DSCAML1: variants seen among roughly 807,000 people sequenced by gnomAD.
DSCAML1 encodes cell adhesion molecule DSCAML1.
DSCAML1 carries 38 observed loss-of-function variants against 200.5 expected under a neutral mutation model. That is an observed-to-expected ratio of 0.19 (90% CI 0.15 to 0.25). The LOEUF (loss-of-function observed/expected upper bound fraction) is 0.25. DSCAML1 is among the 10% of genes least tolerant of loss of function. DSCAML1 has a pLI of 1.00. For missense variants in DSCAML1, 2,223 were observed against 2,858.8 expected, an observed-to-expected ratio of 0.78 and a Z score of 5.07; for synonymous variants, 1,215 against 1,165.0, an observed-to-expected ratio of 1.04 and a Z score of -0.87.
At position 117,428,287 on chromosome 11, in the gene DSCAML1, G is replaced by A. The variant is rs763313751; in HGVS notation, c.*41C>T. 10 of 1,133,650 alleles carry A rather than the reference G, an allele frequency of 8.8e-6. No individual in the cohort carries two copies. Among genetic ancestry groups the A allele is most frequent in the East Asian group, 4.8e-5 (2 of 41,978 alleles). The allele number at this position is 1,133,650 out of a possible 1,614,324, so 70.2% of individuals were successfully genotyped here. A position where few individuals can be genotyped will look rare whatever the true frequency, so the allele number is the denominator to read the frequency against. ...CAGCCGAGCTGGCGTGTGGGGCTGC[G>A]GCGCGGCGCGGTCCAGGCGTGGCTG... On this transcript the variant is annotated 3_prime_UTR_variant, in exon 33 of 33. Coordinates refer to ENST00000651296, the MANE Select transcript of DSCAML1 (RefSeq NM_020693.4).
At chr11:117,724,611 T>C (rs2054092516) in intron 3 of DSCAML1, among the ~76,000 whole-genome samples, 4 of 152,240 alleles carry the variant, frequency 2.6e-5, no homozygotes, top group Admixed American at 6.5e-5. Flanking sequence ...GGCAGCTTGA[T>C]TGAAAGGTTG....
Position 117,514,375 on chromosome 11 carries a change from C to A in DSCAML1, c.1783+2092G>T, listed in dbSNP as rs746961473. 1.0e-3 allele frequency among the ~76,000 whole-genome samples: 159 copies of A among 152,106 alleles called. 1 individual carries two copies. The highest frequency in any genetic ancestry group is 1.7e-3 in the Non-Finnish European group (118 of 68,020). On this transcript the variant is annotated intron_variant, in intron 8 of 32. Coordinates refer to ENST00000651296, the MANE Select transcript of DSCAML1 (RefSeq NM_020693.4). Reference sequence around the variant, plus strand: ...GAGTTCTCAAGGACTCTTGTCTCTTCCACACCCTCCCTGGCAGTCCCAGAA... The same window carrying A: ...GAGTTCTCAAGGACTCTTGTCTCTTACACACCCTCCCTGGCAGTCCCAGAA...
intron 3 of DSCAML1, among the ~76,000 whole-genome samples, chr11:117,609,202 T>TA (rs2051638377): frequency 1.3e-5 from 2 of 149,244 alleles, no homozygotes; most frequent in African/African-American, 5.0e-5. Flanking sequence ...CTATCTCAAT[T>TA]TAAAAAAAAA....
rs984041990 is a variant in DSCAML1, at chr11:117,437,729, G to A, written c.4432+166C>T. On this transcript the variant is annotated intron_variant, in intron 25 of 32. Transcript: ENST00000651296. This position sits in a 1 kb window ranked among gnomAD's most constrained non-coding sequence, Gnocchi z 5.3. ...AGTTTTTCCTAATGGGATCCATCGGGACACTGTGGTGACGGGAAGGAGGCT... is the reference window on the plus strand; with the variant it reads ...AGTTTTTCCTAATGGGATCCATCGGAACACTGTGGTGACGGGAAGGAGGCT... Among the ~76,000 whole-genome samples the A allele has an allele frequency of 1.3e-5, 2 of 152,138 alleles. No individual in the cohort carries two copies. Among genetic ancestry groups the A allele is most frequent in the Admixed American group, 1.3e-4 (2 of 15,278 alleles).
chr11:117,782,684 C>T (rs760526710), intron 1 of DSCAML1, among the ~76,000 whole-genome samples: 2 of 152,200 alleles, frequency 1.3e-5, no homozygotes, highest in Non-Finnish European at 2.9e-5. Context: ...GGTCCCACTT[C>T]CAAGACTCTT....
intron 11 of DSCAML1, among the ~76,000 whole-genome samples, chr11:117,502,578 C>G (rs978982254): frequency 1.3e-5 from 2 of 152,198 alleles, no homozygotes; most frequent in Non-Finnish European, 2.9e-5. Flanking sequence ...CTGTCTTATG[C>G]TGAGCTGAAC....
chr11:117,534,060 G>C (rs1425500733), intron 3 of DSCAML1, among the ~76,000 whole-genome samples: 1 of 152,252 alleles, frequency 6.6e-6, no homozygotes, highest in Non-Finnish European at 1.5e-5. Context: ...CCACATGTCA[G>C]GCTGGCAGAG....
chr11:117,711,086 C>T (rs1228662026), intron 3 of DSCAML1, among the ~76,000 whole-genome samples: 3 of 152,166 alleles, frequency 2.0e-5, no homozygotes, highest in Non-Finnish European at 4.4e-5. Flanking sequence ...ATAAAGCCTA[C>T]TCCTGAATGA....
chr11:117,582,338 A>G (rs993838297), intron 3 of DSCAML1, among the ~76,000 whole-genome samples: 5 of 152,194 alleles, frequency 3.3e-5, no homozygotes, highest in Non-Finnish European at 7.4e-5. Context: ...GCAGGCTTGG[A>G]TACCAACTCA....
chr11:117,512,343 T>G (rs1167849227), intron 8 of DSCAML1, among the ~76,000 whole-genome samples: 1 of 138,706 alleles, frequency 7.2e-6, no homozygotes, highest in Non-Finnish European at 1.6e-5. Flanking sequence ...TCCACCCCCC[T>G]CCTTGGGTAG....
Position 117,503,822 on chromosome 11 carries a change from G to C in DSCAML1, c.2359+23C>G. ...TTGGCTGTGATTTGGGGGTGCTAGG[G>C]GGCGTGTGGGGACAGGACTCACTCT... On this transcript the variant is annotated intron_variant, in intron 11 of 32. Transcript: ENST00000651296. The surrounding 1 kb of genome is among the most constrained non-coding windows in gnomAD (Gnocchi z 5.2). The C allele has an allele frequency of 6.2e-7, 1 of 1,608,558 alleles. No individual in the cohort carries two copies. Among genetic ancestry groups the C allele is most frequent in the Non-Finnish European group, 8.5e-7 (1 of 1,176,976 alleles).
chr11:117,529,203 G>A (rs4938402), intron 4 of DSCAML1, among the ~76,000 whole-genome samples: 27,522 of 151,892 alleles, frequency 0.18, 2,768 homozygotes, highest in South Asian at 0.35. Flanking sequence ...TCCGCCTCCC[G>A]AGTAGCTGGG....
chr11:117,710,857 G>A (rs1203974815), intron 3 of DSCAML1, among the ~76,000 whole-genome samples: 3 of 152,172 alleles, frequency 2.0e-5, no homozygotes, highest in Non-Finnish European at 4.4e-5. Context: ...TGGGGAGACA[G>A]AACATACTCG....
At chr11:117,442,388 T>G (rs1347006108) in intron 21 of DSCAML1, among the ~76,000 whole-genome samples, 1 of 152,076 alleles carries the variant, frequency 6.6e-6, no homozygotes, top group Non-Finnish European at 1.5e-5. Context: ...AGTGTGTGTA[T>G]GCATGTGTGT....
At chr11:117,429,064 C>T (rs1291443544) in intron 32 of DSCAML1, among the ~76,000 whole-genome samples, 2 of 152,156 alleles carry the variant, frequency 1.3e-5, no homozygotes, top group Non-Finnish European at 2.9e-5. Flanking sequence ...AGGTAAAGTG[C>T]TTTGCTACAG....
Position 117,428,654 on chromosome 11 carries a change from G to A in DSCAML1, c.5836C>T (p.Leu1946=). 1 of 1,612,092 alleles carries A rather than the reference G, an allele frequency of 6.2e-7. No individual in the cohort carries two copies. The highest frequency in any genetic ancestry group is 8.5e-7 in the Non-Finnish European group (1 of 1,179,332). ...CCCAAGGACTTGCTGGCAGGGTCCA[G>A]GGTCAGGTGGCGAGCCTGGGTGTGG... ...TYHTQARHLT[L]DPASKSLGLP... is the part of the protein sequence containing the mutation. Residue 1946 remains leucine, a synonymous_variant, in exon 33 of 33, where the codon CTG becomes TTG. Coordinates refer to ENST00000651296, the MANE Select transcript of DSCAML1 (RefSeq NM_020693.4).
intron 3 of DSCAML1, among the ~76,000 whole-genome samples, chr11:117,601,804 G>T (rs770667439): frequency 1.5e-4 from 23 of 152,204 alleles, no homozygotes; most frequent in Non-Finnish European, 3.1e-4. Context: ...GCATTCAGGA[G>T]CCTGGCCTTC....
chr11:117,761,050 C>T (rs1202430280), intron 3 of DSCAML1, among the ~76,000 whole-genome samples: 1 of 152,216 alleles, frequency 6.6e-6, no homozygotes, highest in Non-Finnish European at 1.5e-5. Context: ...CATCTGGATA[C>T]TTGGCCTCTA....
At chr11:117,510,006 G>A (rs2137288877) in intron 8 of DSCAML1, among the ~76,000 whole-genome samples, 1 of 152,352 alleles carries the variant, frequency 6.6e-6, no homozygotes. Context: ...CTTTAGCAAG[G>A]TGCTGCAATG....
Sources: allele counts gnomAD v4.1 joint callset (sites outside exome capture counted in the v4.1 genomes callset), GRCh38; gene constraint gnomAD v4.1.1; non-coding constraint Gnocchi (gnomAD v3.1); transcripts MANE v1.5; gene names NCBI Gene and HGNC (gene_info 2026-07-23, HGNC 2026-07-21).